Variants in SDC2 observed in about 807,000 individuals in gnomAD.
The protein encoded by SDC2 is syndecan-2.
In SDC2, 13 loss-of-function variants were observed where a neutral mutation model predicts 22.2. The observed-to-expected ratio is 0.59, with a 90% CI of 0.38 to 0.93. SDC2 has a LOEUF of 0.93. Among genes scored for constraint, SDC2 ranks in the 40% least tolerant of loss-of-function variants. SDC2 has a pLI of 0.00. For missense variants in SDC2, 235 were observed against 246.8 expected, an observed-to-expected ratio of 0.95 and a Z score of 0.32; for synonymous variants, 94 against 92.8, an observed-to-expected ratio of 1.01 and a Z score of -0.07.
intron 3 of SDC2, among the ~76,000 whole-genome samples, chr8:96,605,677 T>C (rs60968441): frequency 0.021 from 3,252 of 152,318 alleles, 113 homozygotes; most frequent in African/African-American, 0.075. Flanking sequence ...GTTTAGGTAG[T>C]ACAGGGTTTC....
intron 1 of SDC2, among the ~76,000 whole-genome samples, chr8:96,557,604 A>G (rs553115079): frequency 6.7e-6 from 1 of 149,448 alleles, no homozygotes; most frequent in East Asian, 2.0e-4. Flanking sequence ...GAAGGGGAAT[A>G]TCACACTCTG....
At position 96,534,054 on chromosome 8, in the gene SDC2, G is replaced by A. The variant is rs183182505; in HGVS notation, c.60+39723G>A. Among the ~76,000 whole-genome samples, 1,177 of 152,346 alleles carry A rather than the reference G, an allele frequency of 7.7e-3. 11 individuals are homozygous for A. Among genetic ancestry groups the A allele is most frequent in the Non-Finnish European group, 0.013 (913 of 68,024 alleles). ...ACCCTCCGCTGCTGCTGGCCCGGGT[G>A]TTAAGCCCCTCACTGCCCGGGGCCG... On this transcript the variant is annotated intron_variant, in intron 1 of 4. Transcript: ENST00000302190.
chr8:96,558,719 G>A (rs911023626), intron 1 of SDC2, among the ~76,000 whole-genome samples: 1 of 152,156 alleles, frequency 6.6e-6, no homozygotes, highest in Non-Finnish European at 1.5e-5. Context: ...GAATATAAGG[G>A]TGGGAAATAT....
At chr8:96,514,677 G>T (rs1416385477) in intron 1 of SDC2, among the ~76,000 whole-genome samples, 1 of 152,128 alleles carries the variant, frequency 6.6e-6, no homozygotes, top group Non-Finnish European at 1.5e-5. Flanking sequence ...GGATGGTTTT[G>T]GGATGAAACT....
chr8:96,576,363 A>AGTTT (rs1188045981), intron 1 of SDC2, among the ~76,000 whole-genome samples: 1 of 36,422 alleles, frequency 2.7e-5, no homozygotes, highest in African/African-American at 8.5e-5. Flanking sequence ...AATAATTGGT[A>AGTTT]GTTTGTTTTT....
At chr8:96,506,528 G>A (rs1003387940) in intron 1 of SDC2, among the ~76,000 whole-genome samples, 5 of 152,118 alleles carry the variant, frequency 3.3e-5, no homozygotes, top group African/African-American at 1.2e-4. Context: ...CCAGGCTGCA[G>A]TGCAGTGGTG....
At chr8:96,588,480 T>G (rs553641063) in intron 1 of SDC2, among the ~76,000 whole-genome samples, 2 of 152,350 alleles carry the variant, frequency 1.3e-5, no homozygotes, top group Admixed American at 1.3e-4. Context: ...AGTTATAGCC[T>G]TTTTGGCACT....
At chr8:96,587,837 T>C (rs1814711979) in intron 1 of SDC2, among the ~76,000 whole-genome samples, 1 of 152,132 alleles carries the variant, frequency 6.6e-6, no homozygotes, top group Admixed American at 6.5e-5. Flanking sequence ...ATTATTATTA[T>C]GTGTGAATCA....
At chr8:96,565,466 A>C (rs988746469) in intron 1 of SDC2, among the ~76,000 whole-genome samples, 3 of 151,812 alleles carry the variant, frequency 2.0e-5, no homozygotes, top group Non-Finnish European at 4.4e-5. Flanking sequence ...TTTTTCCTCC[A>C]TGTTGAAATG....
intron 1 of SDC2, among the ~76,000 whole-genome samples, chr8:96,547,907 G>A (rs180938957): frequency 1.7e-4 from 26 of 151,736 alleles, no homozygotes; most frequent in Admixed American, 1.4e-3. Context: ...AACTACAGGC[G>A]CACACCACCA....
At chr8:96,499,730 G>A (rs1465210874) in intron 1 of SDC2, among the ~76,000 whole-genome samples, 1 of 151,542 alleles carries the variant, frequency 6.6e-6, no homozygotes, top group East Asian at 1.9e-4. Context: ...CGGAAGATAG[G>A]ACATTTTTTT....
chr8:96,508,424 C>T (rs1031718298), intron 1 of SDC2, among the ~76,000 whole-genome samples: 5 of 151,428 alleles, frequency 3.3e-5, no homozygotes, highest in African/African-American at 9.7e-5. Context: ...ACACAGGAGG[C>T]GGAGGTCGCA....
intron 1 of SDC2, among the ~76,000 whole-genome samples, chr8:96,519,573 AG>A (rs762452359): frequency 1.3e-5 from 2 of 152,144 alleles, no homozygotes; most frequent in Non-Finnish European, 2.9e-5. Context: ...TAGATAATCT[AG>A]GGGGGAAAAA....
At chr8:96,571,968 T>G (rs1586306676) in intron 1 of SDC2, among the ~76,000 whole-genome samples, 1 of 152,280 alleles carries the variant, frequency 6.6e-6, no homozygotes, top group East Asian at 1.9e-4. Flanking sequence ...GACAAGTAAA[T>G]TGAAGGGTTG....
At chr8:96,502,042 T>C (rs934732854) in intron 1 of SDC2, among the ~76,000 whole-genome samples, 6 of 152,198 alleles carry the variant, frequency 3.9e-5, no homozygotes, top group African/African-American at 1.4e-4. Context: ...CTATTTGTAT[T>C]AGTCTGTTCT....
intron 1 of SDC2, among the ~76,000 whole-genome samples, chr8:96,571,301 G>A (rs1297469663): frequency 6.6e-6 from 1 of 152,120 alleles, no homozygotes; most frequent in Non-Finnish European, 1.5e-5. Context: ...AGCATTTCAG[G>A]CAGAGGCAGA....
intron 1 of SDC2, among the ~76,000 whole-genome samples, chr8:96,518,951 A>G (rs1813452619): frequency 6.6e-6 from 1 of 152,130 alleles, no homozygotes; most frequent in Non-Finnish European, 1.5e-5. Flanking sequence ...TTGTCCTGCT[A>G]ATTTGTTACA....
At chr8:96,563,520 A>T (rs1056870457) in intron 1 of SDC2, among the ~76,000 whole-genome samples, 1 of 152,128 alleles carries the variant, frequency 6.6e-6, no homozygotes, top group African/African-American at 2.4e-5. Context: ...CCTCAAACTT[A>T]GGAATGTATC....
intron 1 of SDC2, among the ~76,000 whole-genome samples, chr8:96,558,096 GTTC>G (rs1814149387): frequency 6.6e-6 from 1 of 152,116 alleles, no homozygotes; most frequent in African/African-American, 2.4e-5. Context: ...GATTCATTCT[GTTC>G]TTGGTGGTTG....
Sources: allele counts gnomAD v4.1 joint callset (sites outside exome capture counted in the v4.1 genomes callset), GRCh38; gene constraint gnomAD v4.1.1; transcripts MANE v1.5; gene names NCBI Gene and HGNC (gene_info 2026-07-23, HGNC 2026-07-21).